Variants in ATG2B observed in about 807,000 individuals in gnomAD.
ATG2B encodes the protein autophagy related 2B, also known as autophagy-related protein 2 homolog B.
In ATG2B, 121 loss-of-function variants were observed where a neutral mutation model predicts 241.3. The ratio of observed to expected loss-of-function variants is 0.50; its 90% CI spans 0.43 to 0.58. The LOEUF (loss-of-function observed/expected upper bound fraction) is 0.58. Among genes scored for constraint, ATG2B ranks in the 20% least tolerant of loss-of-function variants. The probability of loss-of-function intolerance (pLI) is 0.00; values close to 1 mark genes in which losing one functional copy is unlikely to be tolerated. For missense variants in ATG2B, 2,306 were observed against 2,491.6 expected, an observed-to-expected ratio of 0.93 and a Z score of 1.59; for synonymous variants, 858 against 876.6, an observed-to-expected ratio of 0.98 and a Z score of 0.37.
intron 36 of ATG2B, among the ~76,000 whole-genome samples, chr14:96,294,621 A>G (rs1287506132): frequency 6.6e-6 from 1 of 152,190 alleles, no homozygotes; most frequent in Non-Finnish European, 1.5e-5. Context: ...TACATAAAGG[A>G]AAAAAAGCAA....
At chr14:96,340,105 T>TATATGCTATATGTG (rs1887979670) in intron 6 of ATG2B, among the ~76,000 whole-genome samples, 1 of 22,178 alleles carries the variant, frequency 4.5e-5, no homozygotes. Flanking sequence ...CTATATAGAA[T>TATATGCTATATGTG]ATATGATATA....
At chr14:96,326,270 T>C (rs1028710693) in intron 14 of ATG2B, among the ~76,000 whole-genome samples, 3 of 152,176 alleles carry the variant, frequency 2.0e-5, no homozygotes, top group Admixed American at 6.5e-5. Context: ...TTCAATACGG[T>C]TAAAAATCAC....
Position 96,334,465 on chromosome 14 carries a change from G to A in ATG2B, c.961C>T (p.Leu321Phe). 6.2e-7 allele frequency: 1 copy of A among 1,609,426 alleles called. No individual in the cohort carries two copies. The highest frequency in any genetic ancestry group is 8.5e-7 in the Non-Finnish European group (1 of 1,178,162). ...VDGQIDSIHL[L>F]LSPRQVHLLL... is the part of the protein sequence containing the mutation. ...AAGTGCACCTGTCTTGGTGACAGGA[G>A]TAGATGAATAGAGTCTATCTGTCCA... The change falls in exon 7 of 42, where the codon CTC becomes TTC. Residue 321 changes from leucine (L) to phenylalanine (F), a missense_variant. This residue lies in a region of ATG2B where 1,927 missense variants were observed against 2,011.2 expected (regional missense o/e 0.96). Coordinates refer to ENST00000359933, the MANE Select transcript of ATG2B (RefSeq NM_018036.7).
At chr14:96,294,167 T>C (rs1226358749) in intron 36 of ATG2B, among the ~76,000 whole-genome samples, 1 of 152,228 alleles carries the variant, frequency 6.6e-6, no homozygotes, top group Non-Finnish European at 1.5e-5. Flanking sequence ...CTGCTGACTT[T>C]GGCCCATGCC....
chr14:96,290,311 CACTACGAATAAAGTATCT>C lies in ATG2B; in HGVS notation c.5856+107_5856+124del. On this transcript the variant is annotated intron_variant, in intron 40 of 41. Transcript: ENST00000359933. This position sits in a 1 kb window ranked among gnomAD's most constrained non-coding sequence, Gnocchi z 4.4. ...CAATAAAACAAGCATGACATTAAAT[CACTACGAATAAAGTATCT>C]ACTCACAACATTTTGTATATCTTCA... 7.5e-7 allele frequency: 1 copy of C among 1,331,774 alleles called. No homozygotes were observed. The highest frequency in any genetic ancestry group is 1.0e-6 in the Non-Finnish European group (1 of 985,268). The allele number at this position is 1,331,774 out of a possible 1,614,324, so 82.5% of individuals were successfully genotyped here. A position where few individuals can be genotyped will look rare whatever the true frequency, so the allele number is the denominator to read the frequency against.
chr14:96,292,116 A>T lies in ATG2B; in HGVS notation c.5427-18T>A. On this transcript the variant is annotated intron_variant, in intron 36 of 41. Coordinates refer to ENST00000359933, the MANE Select transcript of ATG2B (RefSeq NM_018036.7). Reference sequence around the variant, plus strand: ...TAAATTCTCTGAAGATAAAGGAAGGAGGGAGTTATTTACATTTACAATTAC... The same window carrying T: ...TAAATTCTCTGAAGATAAAGGAAGGTGGGAGTTATTTACATTTACAATTAC... The T allele has an allele frequency of 6.5e-7, 1 of 1,545,280 alleles. No individual in the cohort carries two copies. Among genetic ancestry groups the T allele is most frequent in the Non-Finnish European group, 8.8e-7 (1 of 1,131,258 alleles).
intron 18 of ATG2B, among the ~76,000 whole-genome samples, 187 bp downstream of exon 18, chr14:96,321,925 C>G (rs141155199): frequency 6.6e-6 from 1 of 152,214 alleles, no homozygotes; most frequent in African/African-American, 2.4e-5. Flanking sequence ...CCCGGCACCA[C>G]GCTAGTTAGG....
rs542991492 is a variant in ATG2B at position 96,281,659 on chromosome 14, A to G, written c.*4096T>C. Reference sequence around the variant, plus strand: ...ATACAAGTGAAACAGTGAAGTAAACATATTTTTAGAGGGAGGTGCTGCTAC... The same window carrying G: ...ATACAAGTGAAACAGTGAAGTAAACGTATTTTTAGAGGGAGGTGCTGCTAC... On this transcript the variant is annotated 3_prime_UTR_variant, in exon 42 of 42. Transcript: ENST00000359933. 2 of 152,356 alleles carry G rather than the reference A, an allele frequency of 1.3e-5. No individual in the cohort carries two copies. Among genetic ancestry groups the G allele is most frequent in the Admixed American group, 1.3e-4 (2 of 15,308 alleles). 9.4% of individuals were successfully genotyped at this position (152,356 alleles called of 1,614,324 possible).
chr14:96,311,897 CCAGTATCTGAAAAAT>C (rs1351809760), intron 26 of ATG2B, among the ~76,000 whole-genome samples, 177 bp downstream of exon 26: 1 of 152,060 alleles, frequency 6.6e-6, no homozygotes, highest in Non-Finnish European at 1.5e-5. Flanking sequence ...AACTGAAAAA[CCAGTATCTGAAAAAT>C]GAAGCTGTGA....
In ATG2B at chr14:96,312,088, C is replaced by T. The variant is rs1887175074; in HGVS notation, c.3913+1G>A. On this transcript the variant is annotated splice_donor_variant, in intron 26 of 41. Coordinates refer to ENST00000359933, the MANE Select transcript of ATG2B (RefSeq NM_018036.7). LOFTEE classifies it high-confidence loss of function. The stretch of plus-strand genomic sequence containing the variant: ...TACTCCATTTGTTTTTTAACTCTTA[C>T]CTCTACTCAGATTTATAGTGACAGT... 1 of 1,604,024 alleles carries T rather than the reference C, an allele frequency of 6.2e-7. No individual in the cohort carries two copies.
chr14:96,313,077 G>GT lies in ATG2B; in HGVS notation c.3829_3830insA (p.Ser1277TyrfsTer10). ...TTTACACAGGTACCTGAGAGTAGAGGAAGATTTATCCAATGCAACGCTACT... is the reference window on the plus strand; with the variant it reads ...TTTACACAGGTACCTGAGAGTAGAGGTAAGATTTATCCAATGCAACGCTACT... On this transcript the variant is annotated frameshift_variant, in exon 25 of 42. Transcript: ENST00000359933. LOFTEE classifies it high-confidence loss of function. 6.2e-7 allele frequency: 1 copy of GT among 1,608,390 alleles called. No individual in the cohort carries two copies. The highest frequency in any genetic ancestry group is 8.5e-7 in the Non-Finnish European group (1 of 1,175,088).
At position 96,280,237 on chromosome 14, in the gene ATG2B, C is replaced by T. The variant is rs1171426312; in HGVS notation, c.*5518G>A. 6.6e-6 allele frequency: 1 copy of T among 152,200 alleles called. No homozygotes were observed. The highest frequency in any genetic ancestry group is 1.5e-5 in the Non-Finnish European group (1 of 68,038). The allele number at this position is 152,200 out of a possible 1,614,324, so 9.4% of individuals were successfully genotyped here. ...TCTGTGGTTTCCCAATTAGTGAAGA[C>T]TTTTTGCTAAGTTAGGTAACTGCTC... is the stretch of plus-strand genomic sequence containing the variant. On this transcript the variant is annotated 3_prime_UTR_variant, in exon 42 of 42. Transcript: ENST00000359933.
Position 96,305,634 on chromosome 14 carries a change from T to G in ATG2B, c.4688A>C (p.Lys1563Thr). Residue 1563 changes from lysine (K) to threonine (T), a missense_variant, in exon 31 of 42, where the codon AAG (lysine) becomes ACG (threonine). Lys to Thr is a moderately conservative substitution (Grantham distance 78). Coordinates refer to ENST00000359933, the MANE Select transcript of ATG2B (RefSeq NM_018036.7). ...VSLVWHLYGG[K>T]DFGIVPPTSP... ...AGTGGGAGGGACTATTCCAAAATCC[T>G]TTCCTCCATAAAGATGCCAGACAAG... 1 of 1,614,102 alleles carries G rather than the reference T, an allele frequency of 6.2e-7. No individual in the cohort carries two copies. Among genetic ancestry groups the G allele is most frequent in the South Asian group, 1.1e-5 (1 of 91,082 alleles).
intron 1 of ATG2B, among the ~76,000 whole-genome samples, chr14:96,357,437 T>C (rs1888507594): frequency 6.6e-6 from 1 of 152,212 alleles, no homozygotes; most frequent in Non-Finnish European, 1.5e-5. Context: ...CCTATACGTA[T>C]ATTCCCAGTG....
intron 1 of ATG2B, among the ~76,000 whole-genome samples, chr14:96,356,829 G>A (rs1888488218): frequency 6.6e-6 from 1 of 151,962 alleles, no homozygotes; most frequent in South Asian, 2.1e-4. Context: ...TTAATACTAA[G>A]CTTGAGTAAG....
In ATG2B at chr14:96,315,575, T is replaced by C. The variant is rs9323945; in HGVS notation, c.3370A>G (p.Asn1124Asp). 0.98 allele frequency: 1,573,468 copies of C among 1,613,490 alleles called. 769,107 individuals are homozygous for C. Among genetic ancestry groups the C allele is most frequent in the African/African-American group, 1 (74,705 of 75,030 alleles). ...SFSLYHKGIV[N>D]GVILPTETRL... is the part of the protein sequence containing the mutation. ...GTTTCTGTCGGGAGAATCACTCCAT[T>C]CACTATGCCTAGAGATCCACATTGA... is the stretch of plus-strand genomic sequence containing the variant. The change falls in exon 22 of 42, where the codon AAT becomes GAT. Residue 1124 changes from asparagine to aspartate, a missense_variant. Transcript: ENST00000359933.
chr14:96,292,354 T>C (rs757589602), intron 36 of ATG2B, among the ~76,000 whole-genome samples: 9 of 152,184 alleles, frequency 5.9e-5, no homozygotes, highest in Non-Finnish European at 1.0e-4. Context: ...TACGTCTATA[T>C]AGTGTAGGAA....
rs926105353 is a variant in ATG2B, at chr14:96,287,290, CAAAG to C, written c.6007-1309_6007-1306del. On this transcript the variant is annotated intron_variant, in intron 41 of 41. Coordinates refer to ENST00000359933, the MANE Select transcript of ATG2B (RefSeq NM_018036.7). ...AAAAAAAAACGTGTCCAGAAAAACT[CAAAG>C]AAATAATAAGTACTACTTTAAAAAC... 3.5e-5 allele frequency among the ~76,000 whole-genome samples: 5 copies of C among 141,438 alleles called. No individual in the cohort carries two copies. In the Admixed American group the frequency reaches 3.6e-4, roughly 10 times the overall value. The allele number at this position is 141,438 out of a possible 152,430, so 92.8% of individuals were successfully genotyped here.
Position 96,280,735 on chromosome 14 carries a change from T to A in ATG2B, c.*5020A>T, listed in dbSNP as rs4900320. 125,801 of 151,964 alleles carry A rather than the reference T, an allele frequency of 0.83. 52,606 individuals are homozygous for A. The highest frequency in any genetic ancestry group is 0.95 in the African/African-American group (39,504 of 41,466). 9.4% of individuals were successfully genotyped at this position (151,964 alleles called of 1,614,324 possible). Reference sequence around the variant, plus strand: ...GTCTCTACTAAAAAAACAAAAAATTTGTGGGGCGTGGTGGCAGGTGCCTGT... The same window carrying A: ...GTCTCTACTAAAAAAACAAAAAATTAGTGGGGCGTGGTGGCAGGTGCCTGT... On this transcript the variant is annotated 3_prime_UTR_variant, in exon 42 of 42. Coordinates refer to ENST00000359933, the MANE Select transcript of ATG2B (RefSeq NM_018036.7).
Sources: allele counts gnomAD v4.1 joint callset (sites outside exome capture counted in the v4.1 genomes callset), GRCh38; gene constraint gnomAD v4.1.1; regional missense constraint gnomAD v4.1.1; non-coding constraint Gnocchi (gnomAD v3.1); transcripts MANE v1.5; gene names NCBI Gene and HGNC (gene_info 2026-07-23, HGNC 2026-07-21).